TTLL5: variants seen among roughly 807,000 people sequenced by gnomAD.
The protein encoded by TTLL5 is tubulin polyglutamylase TTLL5.
A neutral mutation model predicts 168.4 loss-of-function variants in TTLL5; 132 were observed. That is an observed-to-expected ratio of 0.78 (90% CI 0.68 to 0.91). The LOEUF is 0.91. TTLL5 is among the 40% of genes least tolerant of loss of function. TTLL5 has a pLI of 0.00. For synonymous variants in TTLL5, 546 were observed against 558.6 expected, an observed-to-expected ratio of 0.98 and a Z score of 0.32; for missense variants, 1,545 against 1,581.5, an observed-to-expected ratio of 0.98 and a Z score of 0.39.
At chr14:75,662,232 C>G (rs1292755978) in intron 1 of TTLL5, among the ~76,000 whole-genome samples, 2 of 151,734 alleles carry the variant, frequency 1.3e-5, no homozygotes, top group African/African-American at 4.8e-5. Context: ...ATTCATCTTT[C>G]GGTTCATTGT....
At chr14:75,835,391 A>G (rs552337702) in intron 28 of TTLL5, 1 of 152,294 alleles carries the variant, frequency 6.6e-6, no homozygotes, top group South Asian at 2.1e-4. Flanking sequence ...GAGTATTGCT[A>G]TTTATTTATT....
At chr14:75,896,867 A>T (rs1300268228) in intron 30 of TTLL5, among the ~76,000 whole-genome samples, 1 of 152,184 alleles carries the variant, frequency 6.6e-6, no homozygotes, top group Non-Finnish European at 1.5e-5. Flanking sequence ...ACCCTCCTGG[A>T]CTGGGTTTTA....
chr14:75,872,375 G>C (rs1187562911), intron 29 of TTLL5, among the ~76,000 whole-genome samples: 1 of 152,118 alleles, frequency 6.6e-6, no homozygotes, highest in East Asian at 1.9e-4. Context: ...CTTTAAAAGG[G>C]AATCAGCATA....
intron 26 of TTLL5, among the ~76,000 whole-genome samples, chr14:75,787,755 A>G (rs1892457564): frequency 6.6e-6 from 1 of 152,224 alleles, no homozygotes; most frequent in Admixed American, 6.5e-5. Flanking sequence ...CATCATAAAC[A>G]AGAGAACAAA....
chr14:75,815,158 CA>C (rs968589928), intron 27 of TTLL5, among the ~76,000 whole-genome samples: 3 of 152,076 alleles, frequency 2.0e-5, no homozygotes, highest in African/African-American at 7.2e-5. Flanking sequence ...TTAGCTCTGG[CA>C]TATGTGCTGA....
intron 31 of TTLL5, among the ~76,000 whole-genome samples, chr14:75,940,379 G>A (rs2034565177): frequency 2.0e-5 from 3 of 152,098 alleles, no homozygotes; most frequent in Admixed American, 6.5e-5. Context: ...GCGCCCGGCC[G>A]AAATTAAATC....
intron 10 of TTLL5, among the ~76,000 whole-genome samples, chr14:75,719,369 G>GTACC (rs1423883843): frequency 6.6e-6 from 1 of 152,176 alleles, no homozygotes; most frequent in Admixed American, 6.5e-5. Context: ...GTGGACTCAG[G>GTACC]TGACATTCAC....
chr14:75,936,126 G>A (rs1319508316), intron 31 of TTLL5, among the ~76,000 whole-genome samples: 1 of 151,862 alleles, frequency 6.6e-6, no homozygotes, highest in Non-Finnish European at 1.5e-5. Context: ...TGTATCCCAG[G>A]TGCTGTAATT....
At position 75,663,073 on chromosome 14, in the gene TTLL5, T is replaced by C. The variant is rs1160606733; in HGVS notation, c.-77T>C. ...CTTGCAGGAATCTGTGCCATCCAAA[T>C]TGCTTGATCCAGTGAATCTGCTAGG... On this transcript the variant is annotated 5_prime_UTR_variant, in exon 2 of 32. Coordinates refer to ENST00000298832, the MANE Select transcript of TTLL5 (RefSeq NM_015072.5). The C allele has an allele frequency of 3.9e-6, 5 of 1,285,898 alleles. No individual in the cohort carries two copies. Among genetic ancestry groups the C allele is most frequent in the Non-Finnish European group, 5.6e-6 (5 of 894,028 alleles). The allele number at this position is 1,285,898 out of a possible 1,614,324, so 79.7% of individuals were successfully genotyped here. A position where few individuals can be genotyped will look rare whatever the true frequency, so the allele number is the denominator to read the frequency against.
At chr14:75,771,472 ATTC>A (rs1305988544) in intron 20 of TTLL5, among the ~76,000 whole-genome samples, 4 of 152,182 alleles carry the variant, frequency 2.6e-5, no homozygotes, top group East Asian at 3.8e-4. Flanking sequence ...CTAATTTTCT[ATTC>A]TTCTTTTTTT....
intron 3 of TTLL5, 76 bp downstream of exon 3, chr14:75,669,598 C>A: frequency 7.9e-7 from 1 of 1,263,460 alleles, no homozygotes; most frequent in South Asian, 1.6e-5. Context: ...GTTGATATGA[C>A]ATATATATAG....
intron 23 of TTLL5, 38 bp downstream of exon 23, chr14:75,776,888 C>A: frequency 6.7e-7 from 1 of 1,497,306 alleles, no homozygotes; most frequent in Non-Finnish European, 9.3e-7. Flanking sequence ...CTGTCTTATT[C>A]CATCTTCCAT....
Position 75,692,302 on chromosome 14 carries a change from T to C in TTLL5, c.502+1980T>C, listed in dbSNP as rs193109713. Among the ~76,000 whole-genome samples, 492 of 152,336 alleles carry C rather than the reference T, an allele frequency of 3.2e-3. 3 individuals carry two copies. The highest frequency in any genetic ancestry group is 8.3e-3 in the Admixed American group (127 of 15,300). Reference sequence around the variant, plus strand: ...GCTATGTTTGTATTAGTAATAGTTATGTTTAACTACTCACTATATTAATAC... The same window carrying C: ...GCTATGTTTGTATTAGTAATAGTTACGTTTAACTACTCACTATATTAATAC... On this transcript the variant is annotated intron_variant, in intron 6 of 31. Coordinates refer to ENST00000298832, the MANE Select transcript of TTLL5 (RefSeq NM_015072.5).
At chr14:75,904,549 G>A (rs1014685719) in intron 31 of TTLL5, among the ~76,000 whole-genome samples, 7 of 152,170 alleles carry the variant, frequency 4.6e-5, no homozygotes, top group East Asian at 1.9e-4. Context: ...CATCTTGACC[G>A]TGAATTACTG....
intron 27 of TTLL5, among the ~76,000 whole-genome samples, chr14:75,799,370 G>A (rs991323291): frequency 6.6e-6 from 1 of 152,286 alleles, no homozygotes; most frequent in African/African-American, 2.4e-5. Flanking sequence ...GAGTTTATGT[G>A]TTAGATGAGT....
intron 31 of TTLL5, among the ~76,000 whole-genome samples, chr14:75,905,096 T>C (rs1440590767): frequency 6.6e-6 from 1 of 152,178 alleles, no homozygotes; most frequent in Non-Finnish European, 1.5e-5. Context: ...AGTAGCAACA[T>C]TTTTCTGTAA....
chr14:75,896,884 A>G (rs562289448), intron 30 of TTLL5, among the ~76,000 whole-genome samples: 1 of 152,282 alleles, frequency 6.6e-6, no homozygotes, highest in East Asian at 1.9e-4. Flanking sequence ...TTTATGTATA[A>G]ATATATGTTA....
At chr14:75,847,056 T>TAGTG (rs1480038530) in intron 28 of TTLL5, among the ~76,000 whole-genome samples, 1 of 151,964 alleles carries the variant, frequency 6.6e-6, no homozygotes, top group Non-Finnish European at 1.5e-5. Context: ...GGCTGCAGTA[T>TAGTG]AGTGGCACAA....
intron 2 of TTLL5, among the ~76,000 whole-genome samples, chr14:75,665,023 G>A (rs1034511419): frequency 6.6e-6 from 1 of 152,136 alleles, no homozygotes; most frequent in Non-Finnish European, 1.5e-5. Flanking sequence ...ACTGAATAAC[G>A]AAATGAAGGA....
Sources: allele counts gnomAD v4.1 joint callset (sites outside exome capture counted in the v4.1 genomes callset), GRCh38; gene constraint gnomAD v4.1.1; transcripts MANE v1.5; gene names NCBI Gene and HGNC (gene_info 2026-07-23, HGNC 2026-07-21).